The following VPS13D variants were observed in gnomAD, a reference collection of about 807,000 sequenced individuals.
VPS13D encodes vacuolar protein sorting 13 homolog D.
In VPS13D, 187 loss-of-function variants were observed where a neutral mutation model predicts 461.9. The observed-to-expected ratio is 0.40, with a 90% CI of 0.36 to 0.46. The LOEUF is 0.46. VPS13D is among the 20% of genes least tolerant of loss of function. The probability of loss-of-function intolerance (pLI) is 0.60; values close to 1 mark genes in which losing one functional copy is unlikely to be tolerated. For synonymous variants in VPS13D, 1,951 were observed against 1,986.3 expected (o/e 0.98, Z 0.47); for missense variants, 4,711 against 5,364.9 (o/e 0.88, Z 3.81).
intron 67 of VPS13D, among the ~76,000 whole-genome samples, chr1:12,471,250 G>A (rs558087255): frequency 2.6e-5 from 4 of 152,196 alleles, no homozygotes; most frequent in South Asian, 2.1e-4. Context: ...GCAGTGAGCC[G>A]AAATCATGCC....
chr1:12,436,964 G>A (rs1645070455), intron 65 of VPS13D, among the ~76,000 whole-genome samples: 1 of 152,140 alleles, frequency 6.6e-6, no homozygotes, highest in Non-Finnish European at 1.5e-5. Flanking sequence ...CACCGCTCCT[G>A]GCCTTTGCAA....
chr1:12,479,520 A>G (rs1008412999), intron 67 of VPS13D, among the ~76,000 whole-genome samples: 3 of 152,172 alleles, frequency 2.0e-5, no homozygotes, highest in East Asian at 3.9e-4. Context: ...CAACCACCCT[A>G]TGAGGTGGGT....
rs1643226023 is a variant in VPS13D, at chr1:12,327,669, G to A, written c.8012G>A (p.Ser2671Asn). The A allele has an allele frequency of 2.5e-6, 4 of 1,614,130 alleles. No individual in the cohort carries two copies. The highest frequency in any genetic ancestry group is 3.4e-6 in the Non-Finnish European group (4 of 1,180,008). The change falls in exon 36 of 70, where the codon AGT (serine) becomes AAT (asparagine). Residue 2671 changes from serine to asparagine, a missense_variant. This residue lies in a region of VPS13D where 4,411 missense variants were observed against 4,937.8 expected (regional missense o/e 0.89). Coordinates refer to ENST00000620676, the MANE Select transcript of VPS13D (RefSeq NM_015378.4). The stretch of plus-strand genomic sequence containing the variant: ...GAAGGCCAATTGAAAAAGGCAGCAA[G>A]TTGGTTGTTTAAGAATGCGGAACCT... Reference protein sequence around the residue: ...ACQGQLKKAASWLFKNAEPLK... With the variant: ...ACQGQLKKAANWLFKNAEPLK...
In VPS13D at chr1:12,242,520, T is replaced by C. The variant is rs768342596; in HGVS notation, c.105T>C (p.Val35=). 8.7e-5 allele frequency: 141 copies of C among 1,613,908 alleles called. 1 individual carries two copies. Among genetic ancestry groups the C allele is most frequent in the South Asian group, 6.7e-4 (61 of 91,082 alleles). Residue 35 remains valine, a synonymous_variant, in exon 3 of 70, where the codon GTT becomes GTC. Transcript: ENST00000620676. ...TGCTGTTTTTATTTTTAGGTGCTGT[T>C]GAATTAGAAAACTTGCCATTAAAGA... is the stretch of plus-strand genomic sequence containing the variant. ...QLSVALLKGA[V]ELENLPLKKD...
chr1:12,461,397 G>A (rs781642027), intron 67 of VPS13D, among the ~76,000 whole-genome samples: 16 of 152,174 alleles, frequency 1.1e-4, no homozygotes, highest in Non-Finnish European at 2.2e-4. Context: ...GAAATGCTCC[G>A]ATTGTGGACT....
chr1:12,283,876 C>A, intron 21 of VPS13D, 140 bp downstream of exon 21: 2 of 899,168 alleles, frequency 2.2e-6, no homozygotes, highest in Non-Finnish European at 3.2e-6. Flanking sequence ...GTGTTTGCTA[C>A]GAAAGGTAGA....
chr1:12,299,039 T>C lies in VPS13D; in HGVS notation c.6034-163T>C, dbSNP rs1015377314. ...AATATTTGGGGATTTTCCATTATCTTCTTGTTACTGACTTCCAGTTTAACT... is the reference window on the plus strand; with the variant it reads ...AATATTTGGGGATTTTCCATTATCTCCTTGTTACTGACTTCCAGTTTAACT... On this transcript the variant is annotated intron_variant, in intron 24 of 69. Transcript: ENST00000620676. The surrounding 1 kb of genome is among the most constrained non-coding windows in gnomAD (Gnocchi z 4.2). 6.6e-5 allele frequency among the ~76,000 whole-genome samples: 10 copies of C among 152,238 alleles called. No homozygotes were observed. Among genetic ancestry groups the C allele is most frequent in the Non-Finnish European group, 1.5e-5 (1 of 68,042 alleles).
chr1:12,328,406 C>T (rs544156824), intron 36 of VPS13D, among the ~76,000 whole-genome samples: 2 of 148,696 alleles, frequency 1.3e-5, no homozygotes, highest in South Asian at 4.3e-4. Context: ...TGTTTTGTTG[C>T]CCAAGGTTGG....
At chr1:12,461,418 A>G (rs573747066) in intron 67 of VPS13D, among the ~76,000 whole-genome samples, 10 of 152,332 alleles carry the variant, frequency 6.6e-5, no homozygotes, top group Admixed American at 2.6e-4. Context: ...GGGGCCATGC[A>G]GTGTGCTGTG....
intron 31 of VPS13D, among the ~76,000 whole-genome samples, chr1:12,319,279 C>T (rs1642969675): frequency 6.6e-6 from 1 of 152,214 alleles, no homozygotes; most frequent in Admixed American, 6.5e-5. Context: ...CCAGTCTTTC[C>T]TGCTGCTGCA....
At chr1:12,388,682 T>C (rs1266373338) in intron 60 of VPS13D, among the ~76,000 whole-genome samples, 2 of 151,728 alleles carry the variant, frequency 1.3e-5, no homozygotes, top group Admixed American at 6.6e-5. Flanking sequence ...ATTAGCAAGA[T>C]GGTAGACTCA....
At chr1:12,310,492 C>G (rs773081734) in intron 27 of VPS13D, among the ~76,000 whole-genome samples, 1 of 151,910 alleles carries the variant, frequency 6.6e-6, no homozygotes, top group Admixed American at 6.6e-5. Context: ...AGATGTGTGC[C>G]CCTCCCCCTC....
intron 5 of VPS13D, among the ~76,000 whole-genome samples, chr1:12,245,739 A>AT (rs897612550): frequency 1.4e-3 from 213 of 152,286 alleles, no homozygotes; most frequent in African/African-American, 4.7e-3. Flanking sequence ...CTTAAAAAAA[A>AT]AATAATAATT....
At chr1:12,239,226 C>G (rs1004186746) in intron 2 of VPS13D, among the ~76,000 whole-genome samples, 1 of 152,100 alleles carries the variant, frequency 6.6e-6, no homozygotes, top group Non-Finnish European at 1.5e-5. Context: ...CCCTCAACCT[C>G]TCTGGGCTCA....
Position 12,495,149 on chromosome 1 carries a change from CTTTT to C in VPS13D, c.12663-2336_12663-2333del, listed in dbSNP as rs768628311. 7.2e-6 allele frequency among the ~76,000 whole-genome samples: 1 copy of C among 138,700 alleles called. No homozygotes were observed. The allele number at this position is 138,700 out of a possible 152,430, so 91.0% of individuals were successfully genotyped here. A position where few individuals can be genotyped will look rare whatever the true frequency, so the allele number is the denominator to read the frequency against. On this transcript the variant is annotated intron_variant, in intron 67 of 69. Coordinates refer to ENST00000620676, the MANE Select transcript of VPS13D (RefSeq NM_015378.4). This position sits in a 1 kb window ranked among gnomAD's most constrained non-coding sequence, Gnocchi z 4.0. Reference sequence around the variant, plus strand: ...AGATGACTGACTTGATGTAACTTACCTTTTTTTTTTTTTTTTTTGAGACAGAGTC... The same window carrying C: ...AGATGACTGACTTGATGTAACTTACCTTTTTTTTTTTTTTGAGACAGAGTC...
chr1:12,482,358 G>A lies in VPS13D; in HGVS notation c.12663-15142G>A, dbSNP rs114575079. On this transcript the variant is annotated intron_variant, in intron 67 of 69. Coordinates refer to ENST00000620676, the MANE Select transcript of VPS13D (RefSeq NM_015378.4). ...TCTTAGTCTGCACCCAGCCTGTGCT[G>A]TATGCGGTATATGATGGTAGAAATT... Among the ~76,000 whole-genome samples, 226 of 152,346 alleles carry A rather than the reference G, an allele frequency of 1.5e-3. 2 individuals are homozygous for A. The highest frequency in any genetic ancestry group is 5.3e-3 in the African/African-American group (220 of 41,590).
In VPS13D at chr1:12,343,063, T is replaced by C; in HGVS notation, c.8885+12T>C. The stretch of plus-strand genomic sequence containing the variant: ...AAGTTAAGACACAGGTAAAGTATGG[T>C]TTATTCTTTTCTTTAAAAAAAAGAA... On this transcript the variant is annotated intron_variant, in intron 42 of 69. Coordinates refer to ENST00000620676, the MANE Select transcript of VPS13D (RefSeq NM_015378.4). The C allele has an allele frequency of 6.3e-7, 1 of 1,586,310 alleles. No homozygotes were observed.
Position 12,279,469 on chromosome 1 carries a change from T to C in VPS13D, c.4451-30T>C, listed in dbSNP as rs534495923. 8 of 1,572,874 alleles carry C rather than the reference T, an allele frequency of 5.1e-6. No homozygotes were observed. Among genetic ancestry groups the C allele is most frequent in the African/African-American group, 2.7e-5 (2 of 74,254 alleles). On this transcript the variant is annotated intron_variant, in intron 19 of 69. Transcript: ENST00000620676. The surrounding 1 kb of genome is among the most constrained non-coding windows in gnomAD (Gnocchi z 4.3). ...GTAATGAAGTAAATATTAAGGTTTA[T>C]GGTCTATCATTTCATCTCTTTTATG...
intron 2 of VPS13D, among the ~76,000 whole-genome samples, chr1:12,240,627 G>A (rs1179482388): frequency 1.4e-5 from 2 of 144,324 alleles, no homozygotes; most frequent in African/African-American, 2.6e-5. Flanking sequence ...AAGGCAGTTC[G>A]AAGCATAAAT....
Sources: gnomAD v4.1 joint callset for allele counts (sites outside exome capture counted in the v4.1 genomes callset) on GRCh38, gnomAD v4.1.1 for gene constraint, gnomAD v4.1.1 regional missense constraint, Gnocchi (gnomAD v3.1) non-coding constraint, MANE v1.5 for transcripts, NCBI Gene and HGNC (gene_info 2026-07-23, HGNC 2026-07-21) for gene names.